The following ATAD2B variants were observed in gnomAD, a reference collection of about 807,000 sequenced individuals.
ATAD2B encodes ATPase family AAA domain-containing protein 2B.
Under a neutral mutation model 167.6 loss-of-function variants are expected in ATAD2B, and 40 were observed. That is an observed-to-expected ratio of 0.24 (90% CI 0.19 to 0.31). The LOEUF is 0.31. Among genes scored for constraint, ATAD2B ranks in the 10% least tolerant of loss-of-function variants. The pLI is 1.00. For missense variants in ATAD2B, 1,242 were observed against 1,757.2 expected (o/e 0.71, Z 5.24); for synonymous variants, 579 against 596.5 (o/e 0.97, Z 0.43).
At chr2:23,881,028 T>G (rs1486248502) in intron 6 of ATAD2B, among the ~76,000 whole-genome samples, 1 of 152,228 alleles carries the variant, frequency 6.6e-6, no homozygotes, top group Non-Finnish European at 1.5e-5. Context: ...GGAACTTTGA[T>G]TCTCCTTGTT....
the ATAD2B span, among the ~76,000 whole-genome samples, chr2:23,687,802 C>T: frequency 6.6e-6 from 1 of 152,238 alleles, no homozygotes; most frequent in Admixed American, 6.5e-5. Flanking sequence ...GCTGCAGGGC[C>T]GGGTATGAGG....
intron 1 of ATAD2B, among the ~76,000 whole-genome samples, chr2:23,912,139 A>T (rs1702405541): frequency 6.6e-6 from 1 of 152,174 alleles, no homozygotes; most frequent in Non-Finnish European, 1.5e-5. Flanking sequence ...AAAAGACTGA[A>T]ATCATATGCA....
At chr2:23,692,658 T>A in the ATAD2B span, among the ~76,000 whole-genome samples, 1 of 151,990 alleles carries the variant, frequency 6.6e-6, no homozygotes, top group Non-Finnish European at 1.5e-5. Flanking sequence ...GAAGAACCAC[T>A]AGCATGAAGG....
chr2:23,792,206 C>T (rs760509565), intron 19 of ATAD2B, among the ~76,000 whole-genome samples: 17 of 151,784 alleles, frequency 1.1e-4, no homozygotes, highest in Non-Finnish European at 1.6e-4. Flanking sequence ...TGCCACCACG[C>T]CCAGCCTAAT....
intron 13 of ATAD2B, among the ~76,000 whole-genome samples, chr2:23,843,094 G>A (rs1572999713): frequency 2.0e-5 from 3 of 152,102 alleles, no homozygotes; most frequent in East Asian, 1.9e-4. Flanking sequence ...CTATTGTAAC[G>A]AAGCTCAATT....
At chr2:23,886,101 T>A (rs1343375344) in intron 4 of ATAD2B, among the ~76,000 whole-genome samples, 2 of 151,958 alleles carry the variant, frequency 1.3e-5, no homozygotes, top group East Asian at 3.9e-4. Context: ...TGCACTACCA[T>A]GCCCAGCTAA....
chr2:23,913,069 T>C (rs1702534184), intron 1 of ATAD2B, among the ~76,000 whole-genome samples: 1 of 152,204 alleles, frequency 6.6e-6, no homozygotes, highest in Non-Finnish European at 1.5e-5. Flanking sequence ...GACCAATCAA[T>C]AAGTTCACAT....
At chr2:23,910,739 A>C (rs1044067014) in intron 1 of ATAD2B, among the ~76,000 whole-genome samples, 71 of 151,826 alleles carry the variant, frequency 4.7e-4, no homozygotes, top group African/African-American at 1.7e-3. Flanking sequence ...GTGGGGGAGC[A>C]CGCCTGTAGT....
At chr2:23,898,992 T>C (rs990769720) in intron 1 of ATAD2B, among the ~76,000 whole-genome samples, 2 of 152,048 alleles carry the variant, frequency 1.3e-5, no homozygotes. Context: ...CTACTAAAAA[T>C]ACAAAATTAG....
chr2:23,692,910 G>C, the ATAD2B span, among the ~76,000 whole-genome samples: 1 of 152,192 alleles, frequency 6.6e-6, no homozygotes, highest in South Asian at 2.1e-4. Context: ...GATGCTGTAA[G>C]CCTCAGTGCC....
At chr2:23,696,926 A>C in the ATAD2B span, 1 of 171,242 alleles carries the variant, frequency 5.8e-6, no homozygotes, top group South Asian at 1.4e-4. This position sits in a 1 kb window ranked among gnomAD's most constrained non-coding sequence, Gnocchi z 5.5. Flanking sequence ...CAATGTTTAA[A>C]ATGCAGGTCA....
At chr2:23,696,345 C>T in the ATAD2B span, 1 of 1,551,578 alleles carries the variant, frequency 6.4e-7, no homozygotes, top group African/African-American at 1.4e-5. This position sits in a 1 kb window ranked among gnomAD's most constrained non-coding sequence, Gnocchi z 5.5. Context: ...GGGATGGAAT[C>T]AGGGGTGACG....
At position 23,926,409 on chromosome 2, in the gene ATAD2B, C is replaced by A. The variant is rs1306797965; in HGVS notation, c.216+146G>T. ...CAGCGTCGCGGCCCTTCTCTGGGTG[C>A]CACCCTCCACCGCGCCCGCAGACCC... is the stretch of plus-strand genomic sequence containing the variant. On this transcript the variant is annotated intron_variant, in intron 1 of 27. Transcript: ENST00000238789. 6.5e-6 allele frequency: 9 copies of A among 1,386,624 alleles called. No homozygotes were observed. In the South Asian group the frequency reaches 1.4e-4, roughly 21 times the overall value. 85.9% of individuals were successfully genotyped at this position (1,386,624 alleles called of 1,614,324 possible).
chr2:23,882,905 T>C (rs2150232792), intron 6 of ATAD2B, among the ~76,000 whole-genome samples: 1 of 151,912 alleles, frequency 6.6e-6, no homozygotes, highest in Non-Finnish European at 1.5e-5. Flanking sequence ...ACAAGAACTG[T>C]CAATACAACA....
At chr2:23,703,938 C>A in the ATAD2B span, 1 of 1,436,732 alleles carries the variant, frequency 7.0e-7, no homozygotes, top group Non-Finnish European at 9.3e-7. Flanking sequence ...ACAATGATTT[C>A]CTGCCATCAG....
At chr2:23,769,782 C>G (rs917752537) in intron 22 of ATAD2B, among the ~76,000 whole-genome samples, 2 of 133,452 alleles carry the variant, frequency 1.5e-5, no homozygotes, top group Admixed American at 1.7e-4. Flanking sequence ...GTGGCATAAT[C>G]TGGGCTCACT....
chr2:23,724,668 C>A, the ATAD2B span, among the ~76,000 whole-genome samples: 3 of 152,058 alleles, frequency 2.0e-5, no homozygotes, highest in African/African-American at 7.2e-5. Flanking sequence ...AAATCCCAAA[C>A]AGGTTAAACT....
At chr2:23,775,053 A>C (rs2149359217) in intron 22 of ATAD2B, among the ~76,000 whole-genome samples, 1 of 152,306 alleles carries the variant, frequency 6.6e-6, no homozygotes, top group East Asian at 1.9e-4. Flanking sequence ...ATAAGTAAAC[A>C]AATAACTATG....
intron 13 of ATAD2B, among the ~76,000 whole-genome samples, chr2:23,842,498 G>A (rs936346196): frequency 1.3e-5 from 2 of 152,116 alleles, no homozygotes; most frequent in African/African-American, 2.4e-5. Context: ...ATGGAAACAC[G>A]GTGGGAGTTC....
Sources: allele counts gnomAD v4.1 joint callset (sites outside exome capture counted in the v4.1 genomes callset), GRCh38; gene constraint gnomAD v4.1.1; non-coding constraint Gnocchi (gnomAD v3.1); transcripts MANE v1.5; gene names NCBI Gene and HGNC (gene_info 2026-07-23, HGNC 2026-07-21).